Variants in SLC3A1 observed in about 807,000 individuals in gnomAD.
The protein encoded by SLC3A1 is amino acid transporter heavy chain SLC3A1.
Under a neutral mutation model 60.3 loss-of-function variants are expected in SLC3A1, and 78 were observed. The ratio of observed to expected loss-of-function variants is 1.29; its 90% CI spans 1.08 to 1.56. The LOEUF (loss-of-function observed/expected upper bound fraction) is 1.56, where lower values mean the gene tolerates loss of function less well. SLC3A1 is among the 40% of genes most tolerant of loss of function. The pLI, the probability that SLC3A1 is intolerant of heterozygous loss-of-function variation, is 0.00. For synonymous variants in SLC3A1, 392 were observed against 307.9 expected, an observed-to-expected ratio of 1.27 and a Z score of -2.86; for missense variants, 1,172 against 858.9, an observed-to-expected ratio of 1.36 and a Z score of -4.56.
chr2:44,300,921 A>G, intron 5 of SLC3A1, 82 bp from the exon 6 acceptor site: 3 of 1,555,274 alleles, frequency 1.9e-6, no homozygotes, highest in Admixed American at 1.7e-5. Context: ...CCCTTTGAAG[A>G]GGTTGTCTAC....
chr2:44,317,906 C>G (rs889171714), intron 9 of SLC3A1: 2 of 233,890 alleles, frequency 8.6e-6, no homozygotes, highest in African/African-American at 4.8e-5. Context: ...CAAAAACAGA[C>G]ATAAGAAACA....
chr2:44,297,025 C>G (rs1367628104), intron 4 of SLC3A1, among the ~76,000 whole-genome samples: 3 of 152,198 alleles, frequency 2.0e-5, no homozygotes, highest in Non-Finnish European at 4.4e-5. Flanking sequence ...ACAAATTACC[C>G]AGTCTTAGAT....
intron 9 of SLC3A1, chr2:44,319,084 A>G (rs1369461154): frequency 6.6e-6 from 1 of 152,544 alleles, no homozygotes. Flanking sequence ...TTAATAACTT[A>G]GACAAGTCAT....
chr2:44,312,146 A>G (rs1672313321), intron 7 of SLC3A1, among the ~76,000 whole-genome samples: 2 of 152,200 alleles, frequency 1.3e-5, no homozygotes, highest in Non-Finnish European at 2.9e-5. Context: ...TCTTTCTAAA[A>G]GTTGATTTAC....
intron 6 of SLC3A1, among the ~76,000 whole-genome samples, chr2:44,302,356 C>T (rs1672034507): frequency 6.6e-6 from 1 of 152,176 alleles, no homozygotes; most frequent in African/African-American, 2.4e-5. Context: ...TCATAGTAAA[C>T]ACTCAATAAA....
At chr2:44,281,309 C>T (rs1023338331) in intron 2 of SLC3A1, 78 bp from the exon 3 acceptor site, 12 of 1,272,880 alleles carry the variant, frequency 9.4e-6, no homozygotes, top group East Asian at 2.3e-5. Flanking sequence ...CAGGCGTTAG[C>T]CATTACTGTG....
At chr2:44,294,003 G>T (rs1005337563) in intron 4 of SLC3A1, among the ~76,000 whole-genome samples, 8 of 152,078 alleles carry the variant, frequency 5.3e-5, no homozygotes, top group African/African-American at 1.9e-4. Flanking sequence ...CAGTAAATTG[G>T]TAAGTAAATA....
In SLC3A1 at chr2:44,321,428, T is replaced by C. The variant is rs1170535374; in HGVS notation, c.*789T>C. ...CAAGTCCAAGTTCCTCGTACAGGAATTTAATTTGGGCTGTAATCTAAAAGA... is the reference window on the plus strand; with the variant it reads ...CAAGTCCAAGTTCCTCGTACAGGAACTTAATTTGGGCTGTAATCTAAAAGA... On this transcript the variant is annotated 3_prime_UTR_variant, in exon 10 of 10. Coordinates refer to ENST00000260649, the MANE Select transcript of SLC3A1 (RefSeq NM_000341.4). 1.2e-6 allele frequency: 2 copies of C among 1,612,840 alleles called. No individual in the cohort carries two copies. Among genetic ancestry groups the C allele is most frequent in the African/African-American group, 2.7e-5 (2 of 74,984 alleles).
At chr2:44,298,450 C>G (rs776082940) in intron 4 of SLC3A1, among the ~76,000 whole-genome samples, 1 of 152,168 alleles carries the variant, frequency 6.6e-6, no homozygotes, top group Non-Finnish European at 1.5e-5. Context: ...ATGATCTTGG[C>G]TCACTGCAAC....
chr2:44,306,700 CCCA>C, intron 7 of SLC3A1, among the ~76,000 whole-genome samples: 1 of 151,210 alleles, frequency 6.6e-6, no homozygotes, highest in East Asian at 2.0e-4. Flanking sequence ...ATTACAGGTG[CCCA>C]CCACCACACC....
intron 6 of SLC3A1, chr2:44,301,414 G>A: frequency 1.7e-6 from 1 of 597,056 alleles, no homozygotes; most frequent in South Asian, 2.0e-5. Context: ...TTAGCTAAAT[G>A]TTAGCCATGA....
chr2:44,275,877 C>T lies in SLC3A1; in HGVS notation c.342C>T (p.Cys114=). ...CCATCATTGCCCTCTCTCCAAAGTG[C>T]CTAGACTGGTGGCAGGAGGGGCCCA... ...TIAIIALSPK[C]LDWWQEGPMY... Residue 114 remains cysteine, a synonymous_variant, in exon 1 of 10, where the codon TGC becomes TGT. Transcript: ENST00000260649. 6.2e-7 allele frequency: 1 copy of T among 1,614,220 alleles called. No homozygotes were observed. The highest frequency in any genetic ancestry group is 8.5e-7 in the Non-Finnish European group (1 of 1,180,042).
intron 7 of SLC3A1, among the ~76,000 whole-genome samples, chr2:44,305,763 TA>T (rs1288941435): frequency 6.6e-6 from 1 of 152,074 alleles, no homozygotes; most frequent in Non-Finnish European, 1.5e-5. Context: ...ATGTAAACTC[TA>T]AAATGCCTCT....
intron 3 of SLC3A1, chr2:44,285,456 T>C: frequency 6.0e-6 from 2 of 333,598 alleles, no homozygotes; most frequent in South Asian, 5.1e-5. Context: ...AGTCATACCA[T>C]GGGGCCATAA....
chr2:44,314,148 CAAGTG>C, intron 9 of SLC3A1, 197 bp downstream of exon 9: 1 of 1,313,104 alleles, frequency 7.6e-7, no homozygotes, highest in Non-Finnish European at 1.0e-6. Context: ...ACAAATCTAC[CAAGTG>C]AAGTGAAGTA....
At chr2:44,317,933 A>C in intron 9 of SLC3A1, 2 of 249,614 alleles carry the variant, frequency 8.0e-6, no homozygotes, top group South Asian at 7.1e-5. Context: ...TAAAACACAA[A>C]GAATTAAAAT....
At chr2:44,321,791 G>A (rs75407306), downstream of SLC3A1, 32,147 of 1,613,610 alleles carry the variant, frequency 0.02, 412 homozygotes, top group Non-Finnish European at 0.022. Context: ...TATCTAGTTC[G>A]GGAATCTGTC....
At position 44,300,061 on chromosome 2, in the gene SLC3A1, G is replaced by T; in HGVS notation, c.982G>T (p.Glu328Ter). ...FLLEAKHLRDEIQVNKTQIPD... is the reference protein window; with the variant it reads ...FLLEAKHLRD ...CCTAGAAGCAAAGCACCTGAGAGAT[G>T]AGATCCAAGTAAATAAGACCCAAAT... is the stretch of plus-strand genomic sequence containing the variant. The change falls in exon 5 of 10, where the codon GAG becomes TAG. Residue 328 changes from glutamate (E) to a stop codon, truncating the protein, a stop_gained. Transcript: ENST00000260649. LOFTEE classifies it high-confidence loss of function. 2 of 1,613,896 alleles carry T rather than the reference G, an allele frequency of 1.2e-6. No individual in the cohort carries two copies. Among genetic ancestry groups the T allele is most frequent in the African/African-American group, 1.3e-5 (1 of 75,040 alleles).
At chr2:44,305,792 C>A (rs1433174497) in intron 7 of SLC3A1, among the ~76,000 whole-genome samples, 1 of 152,130 alleles carries the variant, frequency 6.6e-6, no homozygotes, top group Non-Finnish European at 1.5e-5. Flanking sequence ...CGATAATCCT[C>A]CATCTCTCTG....
Sources: gnomAD v4.1 joint callset for allele counts (sites outside exome capture counted in the v4.1 genomes callset) on GRCh38, gnomAD v4.1.1 for gene constraint, MANE v1.5 for transcripts, NCBI Gene and HGNC (gene_info 2026-07-23, HGNC 2026-07-21) for gene names.